The following NXPE1 variants were observed in gnomAD, a reference collection of about 807,000 sequenced individuals.
NXPE1 encodes NXPE family member 1.
Under a neutral mutation model 33.3 loss-of-function variants are expected in NXPE1, and 31 were observed. That is an observed-to-expected ratio of 0.93 (90% CI 0.70 to 1.26). The LOEUF (loss-of-function observed/expected upper bound fraction) is 1.26. Ranked by LOEUF, NXPE1 falls within the 50% of genes most tolerant of loss-of-function variation. The pLI is 0.00. For missense variants in NXPE1, 661 were observed against 655.6 expected, an observed-to-expected ratio of 1.01 and a Z score of -0.09; for synonymous variants, 229 against 231.4, an observed-to-expected ratio of 0.99 and a Z score of 0.09.
At chr11:114,522,276 G>T in exon 9 of NXPE1, 1 of 1,614,026 alleles carries the variant, frequency 6.2e-7, no homozygotes, top group Non-Finnish European at 8.5e-7. Context: ...ATGTCAATGG[G>T]AAATGGTCTA....
At chr11:114,537,920 G>T (rs563950729) in intron 5 of NXPE1, among the ~76,000 whole-genome samples, 2 of 152,028 alleles carry the variant, frequency 1.3e-5, no homozygotes, top group South Asian at 2.1e-4. Context: ...TCACAGAATT[G>T]GAAAAAACTA....
chr11:114,530,079 C>A (rs746854373), intron 6 of NXPE1, 96 bp downstream of exon 6: 9 of 1,270,888 alleles, frequency 7.1e-6, no homozygotes, highest in Non-Finnish European at 9.8e-6. Flanking sequence ...GTACAGGAGG[C>A]CTCTGAGTCA....
rs930198600 is a variant in NXPE1, at chr11:114,542,810, A to T, written c.99+8293T>A. Among the ~76,000 whole-genome samples the T allele has an allele frequency of 5.3e-5, 8 of 152,142 alleles. No homozygotes were observed. The East Asian group carries it at 5.8e-4, about 11-fold the overall frequency. On this transcript the variant is annotated intron_variant, in intron 5 of 8. Transcript: ENST00000534921. ...CATAATCATTAGAACAAAAATATAA[A>T]CCTCACTAAATCACAGTAAAAAACA...
chr11:114,549,232 G>C (rs1465068773), intron 5 of NXPE1, among the ~76,000 whole-genome samples: 1 of 151,888 alleles, frequency 6.6e-6, no homozygotes, highest in Non-Finnish European at 1.5e-5. Context: ...CAGAGCACTA[G>C]AAACAAATAA....
intron 1 of NXPE1, among the ~76,000 whole-genome samples, chr11:114,559,521 G>A (rs1180483357): frequency 6.6e-6 from 1 of 152,102 alleles, no homozygotes; most frequent in African/African-American, 2.4e-5. Context: ...GACTTTTGCT[G>A]GTTGGTTATT....
At chr11:114,537,644 A>C (rs1019278714) in intron 5 of NXPE1, among the ~76,000 whole-genome samples, 10 of 152,188 alleles carry the variant, frequency 6.6e-5, no homozygotes, top group Admixed American at 3.9e-4. Context: ...GTAACAGACA[A>C]ACAGAGAGCC....
In NXPE1 at chr11:114,536,149, C is replaced by T. The variant is rs548275610; in HGVS notation, c.100-5241G>A. On this transcript the variant is annotated intron_variant, in intron 5 of 8. Coordinates refer to ENST00000534921, the Ensembl canonical transcript of NXPE1. ...AAACTCACTCAAAACCCCTCAACTA[C>T]ATGGAAACTGAACAACCTGCTTCTG... is the stretch of plus-strand genomic sequence containing the variant. Among the ~76,000 whole-genome samples, 62 of 152,114 alleles carry T rather than the reference C, an allele frequency of 4.1e-4. 1 individual carries two copies. The highest frequency in any genetic ancestry group is 4.1e-3 in the Admixed American group (62 of 15,282).
intron 5 of NXPE1, 125 bp from the exon 6 acceptor site, chr11:114,531,033 G>C: frequency 9.8e-7 from 1 of 1,019,016 alleles, no homozygotes; most frequent in Non-Finnish European, 1.3e-6. Flanking sequence ...TTACCAAATT[G>C]AATATTTGGT....
At chr11:114,542,135 T>G (rs1298195391) in intron 5 of NXPE1, among the ~76,000 whole-genome samples, 3 of 152,238 alleles carry the variant, frequency 2.0e-5, no homozygotes, top group African/African-American at 7.2e-5. Flanking sequence ...AATTGTTCCT[T>G]ATGTAGCATC....
intron 5 of NXPE1, 98 bp downstream of exon 5, chr11:114,551,005 G>C (rs1948462710): frequency 1.5e-6 from 1 of 651,830 alleles, no homozygotes; most frequent in South Asian, 1.8e-5. Flanking sequence ...TTGAGGTGGG[G>C]GAGGAGGGGC....
chr11:114,541,353 A>G (rs987343487), intron 5 of NXPE1, among the ~76,000 whole-genome samples: 3 of 152,256 alleles, frequency 2.0e-5, no homozygotes, highest in African/African-American at 4.8e-5. Flanking sequence ...AACAGCTATT[A>G]TAACTATGCT....
chr11:114,522,721 T>G (rs953131235), intron 8 of NXPE1, among the ~76,000 whole-genome samples, 158 bp downstream of exon 8: 10 of 152,236 alleles, frequency 6.6e-5, no homozygotes, highest in African/African-American at 2.4e-4. Context: ...ACATTTCTTA[T>G]GAAAGAAGGA....
chr11:114,523,691 T>C (rs1947284172), intron 7 of NXPE1, among the ~76,000 whole-genome samples: 1 of 152,188 alleles, frequency 6.6e-6, no homozygotes, highest in African/African-American at 2.4e-5. Context: ...TCAGGCTCTG[T>C]TTGCACATGG....
intron 1 of NXPE1, chr11:114,554,491 G>A: frequency 1.7e-6 from 1 of 584,496 alleles, no homozygotes; most frequent in Non-Finnish European, 2.2e-6. Context: ...AAAATAAAAT[G>A]TATAGAATTA....
chr11:114,544,883 A>G (rs1948220821), intron 5 of NXPE1, among the ~76,000 whole-genome samples: 1 of 152,192 alleles, frequency 6.6e-6, no homozygotes, highest in Non-Finnish European at 1.5e-5. Flanking sequence ...ATAAGAGAAA[A>G]CAATTTTAAA....
At chr11:114,541,505 C>A (rs191605866) in intron 5 of NXPE1, among the ~76,000 whole-genome samples, 2 of 152,166 alleles carry the variant, frequency 1.3e-5, no homozygotes, top group African/African-American at 2.4e-5. Flanking sequence ...CAAATATGAG[C>A]GACCACGACA....
At chr11:114,549,178 C>G (rs1407589285) in intron 5 of NXPE1, among the ~76,000 whole-genome samples, 1 of 151,822 alleles carries the variant, frequency 6.6e-6, no homozygotes, top group Admixed American at 6.6e-5. Flanking sequence ...GGAATTCTAC[C>G]AAACTTTAAA....
At chr11:114,548,797 A>T (rs1018849103) in intron 5 of NXPE1, among the ~76,000 whole-genome samples, 12 of 151,906 alleles carry the variant, frequency 7.9e-5, no homozygotes, top group Non-Finnish European at 1.6e-4. Flanking sequence ...AGGAATTGAT[A>T]GGAAGGTAAA....
At chr11:114,558,214 G>GTA (rs1278647553) in intron 1 of NXPE1, among the ~76,000 whole-genome samples, 3 of 151,706 alleles carry the variant, frequency 2.0e-5, no homozygotes, top group Non-Finnish European at 2.9e-5. Context: ...ATGTGTGTGT[G>GTA]TATATATATA....
Sources: allele counts gnomAD v4.1 joint callset (sites outside exome capture counted in the v4.1 genomes callset), GRCh38; gene constraint gnomAD v4.1.1; transcripts MANE v1.5; gene names NCBI Gene and HGNC (gene_info 2026-07-23, HGNC 2026-07-21).